ADAMTSL1: variants seen among roughly 807,000 people sequenced by gnomAD.
The protein encoded by ADAMTSL1 is ADAMTS like 1, also known as ADAMTS-like protein 1.
In ADAMTSL1, 126 loss-of-function variants were observed where a neutral mutation model predicts 201.8. That is an observed-to-expected ratio of 0.62 (90% CI 0.54 to 0.72). ADAMTSL1 has a LOEUF of 0.72. Ranked by LOEUF, ADAMTSL1 falls within the 30% of genes least tolerant of loss-of-function variation. The pLI is 0.00. For missense variants in ADAMTSL1, 2,679 were observed against 2,277.8 expected (o/e 1.18, Z -3.59); for synonymous variants, 1,121 against 903.4 (o/e 1.24, Z -4.32).
chr9:18,098,016 T>C (rs1824330244), intron 1 of ADAMTSL1, among the ~76,000 whole-genome samples: 1 of 152,068 alleles, frequency 6.6e-6, no homozygotes, highest in South Asian at 2.1e-4. Context: ...ACAATGTAAA[T>C]TGGAGATCAA....
At chr9:17,999,395 A>G (rs1204674544) in intron 1 of ADAMTSL1, among the ~76,000 whole-genome samples, 1 of 152,040 alleles carries the variant, frequency 6.6e-6, no homozygotes, top group African/African-American at 2.4e-5. Context: ...TTATCCCAAA[A>G]TAATAGCTTT....
intron 2 of ADAMTSL1, among the ~76,000 whole-genome samples, chr9:18,528,439 G>A (rs1381142801): frequency 6.6e-6 from 1 of 152,012 alleles, no homozygotes; most frequent in Admixed American, 6.6e-5. Context: ...TCATCATTCA[G>A]CTCCCGCTTG....
At chr9:18,735,931 A>AC (rs1207339211) in intron 15 of ADAMTSL1, among the ~76,000 whole-genome samples, 2 of 149,852 alleles carry the variant, frequency 1.3e-5, no homozygotes, top group African/African-American at 2.5e-5. Context: ...TGGGCAACAG[A>AC]CCCCCCACCT....
intron 1 of ADAMTSL1, among the ~76,000 whole-genome samples, chr9:18,043,322 G>A (rs957426231): frequency 1.3e-5 from 2 of 152,078 alleles, no homozygotes; most frequent in Non-Finnish European, 2.9e-5. Flanking sequence ...GGTTAGTTGG[G>A]AAAAAATGCC....
At chr9:17,991,281 A>T (rs1425781532) in intron 1 of ADAMTSL1, among the ~76,000 whole-genome samples, 2 of 152,186 alleles carry the variant, frequency 1.3e-5, no homozygotes, top group Non-Finnish European at 2.9e-5. Flanking sequence ...TGTACGTGTT[A>T]TTCCAAACCT....
intron 21 of ADAMTSL1, among the ~76,000 whole-genome samples, chr9:18,822,662 T>G (rs1345595436): frequency 6.6e-6 from 1 of 152,214 alleles, no homozygotes; most frequent in Non-Finnish European, 1.5e-5. Context: ...TTAGGCAGAT[T>G]TCTTAATCTC....
At chr9:18,410,596 A>G (rs912701577) in intron 2 of ADAMTSL1, among the ~76,000 whole-genome samples, 5 of 152,196 alleles carry the variant, frequency 3.3e-5, no homozygotes, top group South Asian at 2.1e-4. Flanking sequence ...TGGTGCATAT[A>G]TACCACATTT....
chr9:18,783,014 G>C (rs1821488971), intron 19 of ADAMTSL1, among the ~76,000 whole-genome samples: 1 of 152,198 alleles, frequency 6.6e-6, no homozygotes, highest in African/African-American at 2.4e-5. Context: ...AAACAGGAAA[G>C]TGACATGATC....
intron 22 of ADAMTSL1, 53 bp from the exon 23 acceptor site, chr9:18,829,790 T>G: frequency 4.3e-6 from 7 of 1,609,372 alleles, no homozygotes; most frequent in South Asian, 3.3e-5. Flanking sequence ...TCCTCTTGCC[T>G]TGACACAGCC....
chr9:18,106,046 A>G (rs1342272526), intron 1 of ADAMTSL1, among the ~76,000 whole-genome samples: 1 of 152,214 alleles, frequency 6.6e-6, no homozygotes, highest in Non-Finnish European at 1.5e-5. Context: ...AGTGACTCTC[A>G]TCACCTCCTT....
intron 2 of ADAMTSL1, among the ~76,000 whole-genome samples, chr9:18,328,169 G>T (rs7874689): frequency 2.6e-5 from 4 of 152,118 alleles, no homozygotes; most frequent in African/African-American, 9.7e-5. Context: ...CAAAGTGCTT[G>T]CCTGGGTACC....
chr9:18,734,559 C>T (rs981635714), intron 15 of ADAMTSL1, among the ~76,000 whole-genome samples: 5 of 152,046 alleles, frequency 3.3e-5, no homozygotes, highest in Non-Finnish European at 5.9e-5. Context: ...CCCTGGGCCG[C>T]GCACTAACAG....
At chr9:17,918,502 A>G (rs1826188046) in intron 1 of ADAMTSL1, among the ~76,000 whole-genome samples, 1 of 151,872 alleles carries the variant, frequency 6.6e-6, no homozygotes, top group South Asian at 2.1e-4. Flanking sequence ...GACACACTTT[A>G]TGTCACTTGA....
At chr9:18,107,881 T>A (rs1314502652) in intron 1 of ADAMTSL1, among the ~76,000 whole-genome samples, 1 of 152,116 alleles carries the variant, frequency 6.6e-6, no homozygotes, top group Admixed American at 6.6e-5. Flanking sequence ...ACGACCAGCA[T>A]TGTTCTTCAG....
chr9:17,998,843 A>G (rs1226530157), intron 1 of ADAMTSL1, among the ~76,000 whole-genome samples: 2 of 152,048 alleles, frequency 1.3e-5, no homozygotes, highest in African/African-American at 4.8e-5. Context: ...CTGGATGCCT[A>G]GAATAATCTG....
At chr9:18,387,589 C>A (rs780227811) in intron 2 of ADAMTSL1, among the ~76,000 whole-genome samples, 3 of 151,986 alleles carry the variant, frequency 2.0e-5, no homozygotes, top group African/African-American at 7.2e-5. Context: ...TTCTTAAAAT[C>A]ATGTTTTTGA....
At chr9:18,589,372 A>AT (rs1220362996) in intron 4 of ADAMTSL1, among the ~76,000 whole-genome samples, 1 of 152,092 alleles carries the variant, frequency 6.6e-6, no homozygotes, top group Non-Finnish European at 1.5e-5. Flanking sequence ...TTATTTTTCA[A>AT]ATTGATCACT....
Position 17,984,282 on chromosome 9 carries a change from G to A in ADAMTSL1, c.87+77360G>A, listed in dbSNP as rs779479276. Among the ~76,000 whole-genome samples, 104 of 152,036 alleles carry A rather than the reference G, an allele frequency of 6.8e-4. 1 individual carries two copies. Among genetic ancestry groups the A allele is most frequent in the Non-Finnish European group, 7.5e-4 (51 of 67,968 alleles). ...GTAAATTTCATACTCTCAGCACCCA[G>A]ATTATGATTGTTAGCAGTTTTGTGT... is the stretch of plus-strand genomic sequence containing the variant. On this transcript the variant is annotated intron_variant, in intron 1 of 29. Coordinates refer to the ADAMTSL1 transcript ENST00000680146.
chr9:18,767,608 T>C (rs1053954408), intron 16 of ADAMTSL1, among the ~76,000 whole-genome samples: 3 of 152,230 alleles, frequency 2.0e-5, no homozygotes, highest in Admixed American at 1.3e-4. Context: ...ATGGAATTCT[T>C]AGCCACTAAT....
Sources: gnomAD v4.1 joint callset for allele counts (sites outside exome capture counted in the v4.1 genomes callset) on GRCh38, gnomAD v4.1.1 for gene constraint, MANE v1.5 for transcripts, NCBI Gene and HGNC (gene_info 2026-07-23, HGNC 2026-07-21) for gene names.